AOC2: variants seen among roughly 807,000 people sequenced by gnomAD.
The protein encoded by AOC2 is amine oxidase copper containing 2, also known as amine oxidase [copper-containing] 2.
Under a neutral mutation model 53.8 loss-of-function variants are expected in AOC2, and 57 were observed. The observed-to-expected ratio is 1.06, with a 90% CI of 0.86 to 1.32. The LOEUF is 1.32. Ranked by LOEUF, AOC2 falls within the 40% of genes most tolerant of loss-of-function variation. The pLI is 0.00. For synonymous variants in AOC2, 404 were observed against 399.0 expected (o/e 1.01, Z -0.15); for missense variants, 1,008 against 957.2 (o/e 1.05, Z -0.70).
intron 1 of AOC2, among the ~76,000 whole-genome samples, chr17:42,847,863 C>G (rs2055611099): frequency 6.6e-6 from 1 of 151,838 alleles, no homozygotes. Flanking sequence ...TCACCGCAAC[C>G]TCCACCTCCC....
At chr17:42,849,815 A>G (rs2055634905) in intron 3 of AOC2, 85 bp downstream of exon 3, 12 of 1,576,424 alleles carry the variant, frequency 7.6e-6, no homozygotes, top group Non-Finnish European at 1.0e-5. Flanking sequence ...GTTAGAGGGA[A>G]TGGCTGATTT....
At chr17:42,849,978 G>A (rs943933667) in intron 3 of AOC2, 104 bp from the exon 4 acceptor site, 133 of 1,485,030 alleles carry the variant, frequency 9.0e-5, no homozygotes, top group South Asian at 1.2e-4. Flanking sequence ...CATGAGGCTG[G>A]GGAGAGTGGA....
In AOC2 at chr17:42,850,219, C is replaced by T. The variant is rs1343405406; in HGVS notation, c.2142C>T (p.Phe714=). 6.2e-7 allele frequency: 1 copy of T among 1,614,060 alleles called. No individual in the cohort carries two copies. Among genetic ancestry groups the T allele is most frequent in the East Asian group, 2.2e-5 (1 of 44,900 alleles). The change falls in exon 4 of 4, where the codon TTC becomes TTT. Residue 714 remains phenylalanine, a synonymous_variant. Transcript: ENST00000253799. ...TCTTTGATGAGGACCCCTCCATCTT[C>T]TCCCCTGGCAGTGTCTACTTTGAGA... ...YNFFDEDPSI[F]SPGSVYFEKG...
At chr17:42,848,641 A>G (rs552034658) in intron 1 of AOC2, among the ~76,000 whole-genome samples, 2 of 150,178 alleles carry the variant, frequency 1.3e-5, no homozygotes, top group South Asian at 2.1e-4. Context: ...GCCACAACCT[A>G]CTGGGCTCAA....
rs35154433 is a variant in AOC2 at position 42,844,600 on chromosome 17, T to C, written c.-27T>C. 7,001 of 1,583,974 alleles carry C rather than the reference T, an allele frequency of 4.4e-3. 247 individuals are homozygous for C. In the African/African-American group the frequency reaches 0.08, roughly 18 times the overall value. On this transcript the variant is annotated 5_prime_UTR_variant, in exon 1 of 4. Transcript: ENST00000253799. ...TAACTGGAAGGAGCAGCTGTTAGAA[T>C]TCTGATTTCAGCTCTCAGCATCCAC...
At chr17:42,849,973 G>T (rs2055637286) in intron 3 of AOC2, 109 bp from the exon 4 acceptor site, 1 of 1,470,704 alleles carries the variant, frequency 6.8e-7, no homozygotes. Flanking sequence ...ATGGGCATGA[G>T]GCTGGGGAGA....
rs201457751 is a variant in AOC2, at chr17:42,845,819, G to A, written c.1193G>A (p.Cys398Tyr). 3 of 1,614,186 alleles carry A rather than the reference G, an allele frequency of 1.9e-6. No homozygotes were observed. Among genetic ancestry groups the A allele is most frequent in the Non-Finnish European group, 2.5e-6 (3 of 1,180,050 alleles). Residue 398 changes from cysteine to tyrosine, a missense_variant, in exon 1 of 4, where the codon TGC (cysteine) becomes TAC (tyrosine). Transcript: ENST00000253799. Reference sequence around the variant, plus strand: ...CGAGGCTTGGTGCGGGGAGTGGACTGCCCCTATCAAGCCACGATGGTGGAC... The same window carrying A: ...CGAGGCTTGGTGCGGGGAGTGGACTACCCCTATCAAGCCACGATGGTGGAC... ...NSRGLVRGVD[C>Y]PYQATMVDIH...
chr17:42,849,356 C>A lies in AOC2; in HGVS notation c.1859C>A (p.Ala620Asp). 1 of 1,611,656 alleles carries A rather than the reference C, an allele frequency of 6.2e-7. No homozygotes were observed. The highest frequency in any genetic ancestry group is 8.5e-7 in the Non-Finnish European group (1 of 1,178,076). ...HIPLESDMERALSWGRYQLVV... is the reference protein window; with the variant it reads ...HIPLESDMERDLSWGRYQLVV... ...CCCCTGGAGAGTGACATGGAGAGGG[C>A]CCTCAGCTGGGGGAGGTGAGGAGGG... Residue 620 changes from alanine (A) to aspartate (D), a missense_variant, in exon 2 of 4, where the codon GCC becomes GAC. By Grantham distance (126) the Ala-to-Asp change is moderately radical. Transcript: ENST00000253799.
Position 42,845,763 on chromosome 17 carries a change from G to A in AOC2, c.1137G>A (p.Leu379=). The A allele has an allele frequency of 6.2e-7, 1 of 1,614,170 alleles. No individual in the cohort carries two copies. Among genetic ancestry groups the A allele is most frequent in the East Asian group, 2.2e-5 (1 of 44,888 alleles). Residue 379 remains leucine (L), a synonymous_variant, in exon 1 of 4, where the codon TTG becomes TTA. Transcript: ENST00000253799. ...DSPKTMLTRY[L]DSSFGLGRNS... ...CCAAGACGATGCTGACTCGCTATTT[G>A]GATAGCAGCTTTGGACTCGGCCGTA...
At position 42,846,168 on chromosome 17, in the gene AOC2, G is replaced by C. The variant is rs200328310; in HGVS notation, c.1542G>C (p.Thr514=). The C allele has an allele frequency of 1.9e-6, 3 of 1,546,032 alleles. No individual in the cohort carries two copies. Among genetic ancestry groups the C allele is most frequent in the Non-Finnish European group, 2.6e-6 (3 of 1,145,354 alleles). Residue 514 remains threonine, a synonymous_variant, in exon 1 of 4, where the codon ACG becomes ACC. Transcript: ENST00000253799. ...GTGTGGGGGAAAGAGTGCTGGGAAC[G>C]GTGCACACACATGCCTTCCACTTCA... The part of the protein sequence containing the change: ...GNRVGERVLG[T]VHTHAFHFKL...
intron 1 of AOC2, among the ~76,000 whole-genome samples, chr17:42,847,812 A>C (rs2055610524): frequency 7.0e-6 from 1 of 143,704 alleles, no homozygotes; most frequent in East Asian, 2.0e-4. Flanking sequence ...ACAGAGTCTC[A>C]CTCTGTTGCC....
At position 42,849,128 on chromosome 17, in the gene AOC2, C is replaced by A; in HGVS notation, c.1631C>A (p.Pro544His). Reference protein sequence around the residue: ...WVVAEDVVFKPVAAPWNPEHW... With the variant: ...WVVAEDVVFKHVAAPWNPEHW... ...GTAGCTGAAGACGTGGTGTTTAAAC[C>A]TGTGGCTGCCCCCTGGAACCCGGAG... The change falls in exon 2 of 4, where the codon CCT becomes CAT. Residue 544 changes from proline (P) to histidine (H), a missense_variant. Transcript: ENST00000253799. 1 of 1,614,042 alleles carries A rather than the reference C, an allele frequency of 6.2e-7. No individual in the cohort carries two copies. Among genetic ancestry groups the A allele is most frequent in the South Asian group, 1.1e-5 (1 of 91,068 alleles).
chr17:42,850,495 G>T lies in AOC2; in HGVS notation c.*147G>T. The stretch of plus-strand genomic sequence containing the variant: ...CACGAAACCCCCATCAGTCCCTTTG[G>T]TTAATTCTTACTTCCTGTTCATCTC... On this transcript the variant is annotated 3_prime_UTR_variant, in exon 4 of 4. Transcript: ENST00000253799. The T allele has an allele frequency of 1.1e-6, 1 of 903,632 alleles. No individual in the cohort carries two copies. 56.0% of individuals were successfully genotyped at this position (903,632 alleles called of 1,614,324 possible). A position where few individuals can be genotyped will look rare whatever the true frequency, so the allele number is the denominator to read the frequency against.
At chr17:42,848,567 T>C (rs906974152) in intron 1 of AOC2, among the ~76,000 whole-genome samples, 1 of 134,528 alleles carries the variant, frequency 7.4e-6, no homozygotes, top group Non-Finnish European at 1.5e-5. Flanking sequence ...ATATATATAT[T>C]TTAGACAGAG....
In AOC2 at chr17:42,845,175, G is replaced by T. The variant is rs147572251; in HGVS notation, c.549G>T (p.Glu183Asp). 2.3e-4 allele frequency: 366 copies of T among 1,613,686 alleles called. No homozygotes were observed. Among genetic ancestry groups the T allele is most frequent in the Non-Finnish European group, 3.0e-4 (351 of 1,180,022 alleles). ...TQMWRHLKEV[E>D]LPKAPIFLSS... ...TGTGGAGGCATCTGAAAGAGGTGGA[G>T]CTACCCAAGGCACCCATCTTCCTGT... Residue 183 changes from glutamate to aspartate, a missense_variant, in exon 1 of 4, where the codon GAG becomes GAT. Coordinates refer to ENST00000253799, the MANE Select transcript of AOC2 (RefSeq NM_009590.4).
chr17:42,847,911 G>A (rs1291096883), intron 1 of AOC2, among the ~76,000 whole-genome samples: 1 of 151,528 alleles, frequency 6.6e-6, no homozygotes, highest in African/African-American at 2.4e-5. Flanking sequence ...CTCCAGAGTA[G>A]CACACCACCA....
intron 3 of AOC2, 48 bp from the exon 4 acceptor site, chr17:42,850,034 C>G (rs202093818): frequency 1.3e-6 from 2 of 1,585,590 alleles, no homozygotes; most frequent in Non-Finnish European, 1.7e-6. Context: ...AAGGGTGGTT[C>G]TTTGGGTCAC....
rs61450612 is a variant in AOC2 at position 42,848,065 on chromosome 17, CTTTT to C, written c.1589-998_1589-995del. 4.1e-3 allele frequency among the ~76,000 whole-genome samples: 412 copies of C among 101,334 alleles called. 7 individuals carry two copies. The highest frequency in any genetic ancestry group is 0.021 in the African/African-American group (386 of 18,652). 66.5% of individuals were successfully genotyped at this position (101,334 alleles called of 152,430 possible). ...AGTGCTGTGAGCTACCATGCCCGGCCTTTTTTTTTTTTTTTTTTTTTTTTTTAAG... is the reference window on the plus strand; with the variant it reads ...AGTGCTGTGAGCTACCATGCCCGGCCTTTTTTTTTTTTTTTTTTTTTTAAG... On this transcript the variant is annotated intron_variant, in intron 1 of 3. Transcript: ENST00000253799.
In AOC2 at chr17:42,845,064, G is replaced by C. The variant is rs753805059; in HGVS notation, c.438G>C (p.Ser146=). The C allele has an allele frequency of 1.5e-5, 24 of 1,613,834 alleles. No individual in the cohort carries two copies. The highest frequency in any genetic ancestry group is 1.9e-5 in the Non-Finnish European group (23 of 1,179,974). ...TGGTGGGGCCGCTGCCTCACCCCTCGTACATGCGGGATGTGACTGTGGAGC... is the reference window on the plus strand; with the variant it reads ...TGGTGGGGCCGCTGCCTCACCCCTCCTACATGCGGGATGTGACTGTGGAGC... ...ELVVGPLPHP[S]YMRDVTVERH... The change falls in exon 1 of 4, where the codon TCG becomes TCC. Residue 146 remains serine (S), a synonymous_variant. Transcript: ENST00000253799.
Sources: allele counts gnomAD v4.1 joint callset (sites outside exome capture counted in the v4.1 genomes callset), GRCh38; gene constraint gnomAD v4.1.1; transcripts MANE v1.5; gene names NCBI Gene and HGNC (gene_info 2026-07-23, HGNC 2026-07-21).